RASEF: variants seen among roughly 807,000 people sequenced by gnomAD.
RASEF encodes the protein RAS and EF-hand domain containing, also known as ras and EF-hand domain-containing protein.
RASEF carries 68 observed loss-of-function variants against 90.1 expected under a neutral mutation model. The ratio of observed to expected loss-of-function variants is 0.75; its 90% confidence interval spans 0.62 to 0.92. The LOEUF (loss-of-function observed/expected upper bound fraction) is 0.92. Ranked by LOEUF, RASEF falls within the 40% of genes least tolerant of loss-of-function variation. The probability of loss-of-function intolerance (pLI) is 0.00; values close to 1 mark genes in which losing one functional copy is unlikely to be tolerated. For missense variants in RASEF, 949 were observed against 937.2 expected, an observed-to-expected ratio of 1.01 and a Z score of -0.16; for synonymous variants, 331 against 345.2, an observed-to-expected ratio of 0.96 and a Z score of 0.46.
At chr9:83,125,190 C>T in the RASEF span, among the ~76,000 whole-genome samples, 1 of 152,070 alleles carries the variant, frequency 6.6e-6, no homozygotes, top group South Asian at 2.1e-4. Flanking sequence ...CCAGATTGTG[C>T]ACTACTTCAG....
the RASEF span, among the ~76,000 whole-genome samples, chr9:83,118,080 CA>C: frequency 5.5e-3 from 829 of 152,080 alleles, 8 homozygotes; most frequent in African/African-American, 0.019. Flanking sequence ...AATAAAATAC[CA>C]AATAATGTAA....
At chr9:83,065,939 C>T (rs1334849648), upstream of RASEF, among the ~76,000 whole-genome samples, 1 of 152,128 alleles carries the variant, frequency 6.6e-6, no homozygotes, top group East Asian at 1.9e-4. Flanking sequence ...CCAGAGCCTC[C>T]CCTCCTTCCC....
chr9:83,100,139 GA>G, the RASEF span, among the ~76,000 whole-genome samples: 1 of 152,156 alleles, frequency 6.6e-6, no homozygotes, highest in African/African-American at 2.4e-5. Flanking sequence ...TTTCTTCCCA[GA>G]ACTTTGAGCT....
intron 1 of RASEF, among the ~76,000 whole-genome samples, chr9:83,026,181 T>A (rs1443244272): frequency 6.6e-6 from 1 of 152,206 alleles, no homozygotes; most frequent in Non-Finnish European, 1.5e-5. Flanking sequence ...GTTCCTGCTG[T>A]GTATTTTTTA....
the RASEF span, among the ~76,000 whole-genome samples, chr9:83,084,359 T>C: frequency 3.3e-5 from 5 of 152,196 alleles, no homozygotes; most frequent in Admixed American, 1.3e-4. Flanking sequence ...CAATCAAAAA[T>C]GTTATATAGC....
chr9:83,071,862 GTCT>G, the RASEF span, among the ~76,000 whole-genome samples: 2 of 152,164 alleles, frequency 1.3e-5, no homozygotes, highest in Non-Finnish European at 1.5e-5. Flanking sequence ...TATTCAATGA[GTCT>G]TCTTCTAAAG....
chr9:83,169,289 T>C, the RASEF span, among the ~76,000 whole-genome samples: 1 of 151,938 alleles, frequency 6.6e-6, no homozygotes, highest in Non-Finnish European at 1.5e-5. Context: ...TCTTGACTAT[T>C]GTGAATAGCA....
the RASEF span, among the ~76,000 whole-genome samples, chr9:83,090,601 G>A: frequency 2.9e-4 from 44 of 151,798 alleles, no homozygotes; most frequent in African/African-American, 4.6e-4. Flanking sequence ...ATGGGGTTTC[G>A]CCATGTTGGC....
At chr9:83,096,392 C>T in the RASEF span, among the ~76,000 whole-genome samples, 1 of 152,134 alleles carries the variant, frequency 6.6e-6, no homozygotes, top group Non-Finnish European at 1.5e-5. Flanking sequence ...AACAAGACTT[C>T]TATGGGCAGA....
intron 1 of RASEF, among the ~76,000 whole-genome samples, chr9:83,028,629 A>C (rs964270452): frequency 3.9e-5 from 6 of 152,234 alleles, no homozygotes; most frequent in African/African-American, 1.4e-4. Context: ...TCACAATTGG[A>C]AAAGAAGACA....
the RASEF span, among the ~76,000 whole-genome samples, chr9:83,105,119 C>G: frequency 1.3e-5 from 2 of 152,174 alleles, no homozygotes; most frequent in Non-Finnish European, 2.9e-5. Flanking sequence ...ATGTAGCCTA[C>G]TCAAGCCTGG....
the RASEF span, among the ~76,000 whole-genome samples, chr9:83,143,788 T>C: frequency 6.6e-6 from 1 of 152,184 alleles, no homozygotes; most frequent in African/African-American, 2.4e-5. Context: ...CCATTCGGCC[T>C]AGCAATCCCA....
chr9:83,034,774 C>T (rs1829708964), intron 1 of RASEF, among the ~76,000 whole-genome samples: 1 of 152,186 alleles, frequency 6.6e-6, no homozygotes, highest in African/African-American at 2.4e-5. Flanking sequence ...CTTCCTCCAC[C>T]ACATCTGCTT....
At chr9:83,023,947 G>A (rs1230173702) in intron 2 of RASEF, among the ~76,000 whole-genome samples, 1 of 152,136 alleles carries the variant, frequency 6.6e-6, no homozygotes, top group Non-Finnish European at 1.5e-5. Flanking sequence ...GCTTGCCCCA[G>A]CAATTTCCAA....
chr9:83,208,501 T>A, the RASEF span, among the ~76,000 whole-genome samples: 1 of 152,190 alleles, frequency 6.6e-6, no homozygotes, highest in Non-Finnish European at 1.5e-5. Context: ...TCTACATAGG[T>A]GTGTCTGAGT....
intron 1 of RASEF, among the ~76,000 whole-genome samples, chr9:83,040,022 G>A (rs141901981): frequency 0.013 from 1,983 of 152,218 alleles, 28 homozygotes; most frequent in South Asian, 0.082. Flanking sequence ...TAGTGATAGT[G>A]AATAAGTCTC....
intron 16 of RASEF, among the ~76,000 whole-genome samples, chr9:82,984,449 A>G (rs935195935): frequency 8.5e-5 from 13 of 152,212 alleles, no homozygotes; most frequent in Admixed American, 6.5e-5. Flanking sequence ...TGGAAAGAAG[A>G]CATCTCAGCA....
intron 3 of RASEF, among the ~76,000 whole-genome samples, chr9:83,018,227 A>G (rs1342686498): frequency 6.7e-6 from 1 of 148,264 alleles, no homozygotes; most frequent in Non-Finnish European, 1.5e-5. Context: ...CTAGAAAATG[A>G]CAAAATCTAC....
chr9:83,000,127 G>A (rs1829000299), intron 12 of RASEF, 42 bp downstream of exon 12: 1 of 1,585,192 alleles, frequency 6.3e-7, no homozygotes, highest in African/African-American at 1.4e-5. Context: ...ATCAAGCTAA[G>A]GAAGGTCATT....
Sources: gnomAD v4.1 joint callset for allele counts (sites outside exome capture counted in the v4.1 genomes callset) on GRCh38, gnomAD v4.1.1 for gene constraint, MANE v1.5 for transcripts, NCBI Gene and HGNC (gene_info 2026-07-23, HGNC 2026-07-21) for gene names.